Variants in FBXO8 observed in about 807,000 individuals in gnomAD.
FBXO8 encodes the protein F-box protein 8.
Under a neutral mutation model 33.4 loss-of-function variants are expected in FBXO8, and 15 were observed. The observed-to-expected ratio is 0.45, with a 90% CI of 0.30 to 0.69. The LOEUF is 0.69. Ranked by LOEUF, FBXO8 falls within the 30% of genes least tolerant of loss-of-function variation. The pLI, the probability that FBXO8 is intolerant of heterozygous loss-of-function variation, is 0.08. For synonymous variants in FBXO8, 132 were observed against 131.5 expected (o/e 1.00, Z -0.02); for missense variants, 274 against 380.3 (o/e 0.72, Z 2.32).
In FBXO8 at chr4:174,259,021, A is replaced by G. The variant is rs1736480235; in HGVS notation, c.456+678T>C. On this transcript the variant is annotated intron_variant, in intron 3 of 5. Coordinates refer to ENST00000393674, the MANE Select transcript of FBXO8 (RefSeq NM_012180.3). This position sits in a 1 kb window ranked among gnomAD's most constrained non-coding sequence, Gnocchi z 4.3. Reference sequence around the variant, plus strand: ...ATAATTTTCACTTAGATTTCTAAGAATAAATCTGTAAGTATTTAAACATTT... The same window carrying G: ...ATAATTTTCACTTAGATTTCTAAGAGTAAATCTGTAAGTATTTAAACATTT... 6.6e-6 allele frequency among the ~76,000 whole-genome samples: 1 copy of G among 152,040 alleles called. No homozygotes were observed. Among genetic ancestry groups the G allele is most frequent in the African/African-American group, 2.4e-5 (1 of 41,452 alleles).
At chr4:174,258,898 A>T (rs1260009556) in intron 3 of FBXO8, among the ~76,000 whole-genome samples, 1 of 152,054 alleles carries the variant, frequency 6.6e-6, no homozygotes, top group Non-Finnish European at 1.5e-5. Context: ...CAAATGAAAA[A>T]AAGTTGTTTT....
chr4:174,276,331 G>A (rs1051862200), intron 1 of FBXO8, among the ~76,000 whole-genome samples: 4 of 152,016 alleles, frequency 2.6e-5, no homozygotes, highest in African/African-American at 9.7e-5. Context: ...TCTGCCTCCT[G>A]GGTTCAAGCG....
Position 174,239,117 on chromosome 4 carries a change from A to G in FBXO8, c.649T>C (p.Phe217Leu). 1 of 1,606,284 alleles carries G rather than the reference A, an allele frequency of 6.2e-7. No individual in the cohort carries two copies. The highest frequency in any genetic ancestry group is 1.7e-5 in the Admixed American group (1 of 59,390). Residue 217 changes from phenylalanine (F) to leucine (L), a missense_variant, in exon 5 of 6, where the codon TTT becomes CTT. This residue lies in a region of FBXO8 where 186 missense variants were observed against 293.4 expected (regional missense o/e 0.63). Coordinates refer to ENST00000393674, the MANE Select transcript of FBXO8 (RefSeq NM_012180.3). Reference protein sequence around the residue: ...NQFLPNALREFFRHIHAPEER... With the variant: ...NQFLPNALRELFRHIHAPEER... ...TCAGGGGCATGGATATGACGAAAAA[A>G]TTCTCTCAGTGCATTTGGCAAGAAC...
chr4:174,243,771 T>G (rs1434838710), intron 3 of FBXO8, among the ~76,000 whole-genome samples: 1 of 151,228 alleles, frequency 6.6e-6, no homozygotes, highest in Non-Finnish European at 1.5e-5. Context: ...CATGGACATC[T>G]GTGCAGTGTC....
Position 174,259,742 on chromosome 4 carries a change from T to C in FBXO8, c.413A>G (p.Gln138Arg), listed in dbSNP as rs1250473804. ...LGFSFRKLYM[Q>R]LDEGSLTFNA... is the part of the protein sequence containing the mutation. ...AAAGGTGAGGCTGCCTTCATCCAGC[T>C]GCATATACAATTTTCTAAAAGAAAA... The change falls in exon 3 of 6, where the codon CAG becomes CGG. Residue 138 changes from glutamine (Q) to arginine (R), a missense_variant. Physicochemically the swap from Gln to Arg is conservative, Grantham distance 43. Around this residue, in one of 2 missense-constraint regions of FBXO8, gnomAD observed 186 missense variants for 293.4 expected, o/e 0.63. Coordinates refer to ENST00000393674, the MANE Select transcript of FBXO8 (RefSeq NM_012180.3). The surrounding 1 kb of genome is among the most constrained non-coding windows in gnomAD (Gnocchi z 4.3). 1 of 1,612,038 alleles carries C rather than the reference T, an allele frequency of 6.2e-7. No homozygotes were observed. The highest frequency in any genetic ancestry group is 2.2e-5 in the East Asian group (1 of 44,794).
chr4:174,271,941 C>T (rs1429132356), intron 1 of FBXO8, among the ~76,000 whole-genome samples: 1 of 152,138 alleles, frequency 6.6e-6, no homozygotes, highest in Non-Finnish European at 1.5e-5. Flanking sequence ...CTGCTATACA[C>T]TAATATGGTG....
At position 174,281,557 on chromosome 4, in the gene FBXO8, G is replaced by A. The variant is rs566198532; in HGVS notation, c.-9+1853C>T. ...AAAAGAAATAACCACACGTGATGGCGTGTGCCTGTGGTCCCAGGTACTCTG... is the reference window on the plus strand; with the variant it reads ...AAAAGAAATAACCACACGTGATGGCATGTGCCTGTGGTCCCAGGTACTCTG... On this transcript the variant is annotated intron_variant, in intron 1 of 5. Transcript: ENST00000393674. This position sits in a 1 kb window ranked among gnomAD's most constrained non-coding sequence, Gnocchi z 4.6. 2.0e-5 allele frequency among the ~76,000 whole-genome samples: 3 copies of A among 152,218 alleles called. No individual in the cohort carries two copies. Among genetic ancestry groups the A allele is most frequent in the East Asian group, 1.9e-4 (1 of 5,170 alleles).
In FBXO8 at chr4:174,281,040, T is replaced by A. The variant is rs1737075349; in HGVS notation, c.-9+2370A>T. ...GATGGTAAATTTTATGTTACGTATA[T>A]TTTACTACAATTTAAAAATTGGAAG... On this transcript the variant is annotated intron_variant, in intron 1 of 5. Transcript: ENST00000393674. The surrounding 1 kb of genome is among the most constrained non-coding windows in gnomAD (Gnocchi z 4.6). 2.0e-5 allele frequency among the ~76,000 whole-genome samples: 3 copies of A among 152,282 alleles called. No individual in the cohort carries two copies. Among genetic ancestry groups the A allele is most frequent in the Middle Eastern group, 3.4e-3 (1 of 292 alleles).
rs1024111347 is a variant in FBXO8, at chr4:174,261,833, T to A, written c.329+931A>T. Among the ~76,000 whole-genome samples, 1 of 152,102 alleles carries A rather than the reference T, an allele frequency of 6.6e-6. No individual in the cohort carries two copies. The highest frequency in any genetic ancestry group is 2.4e-5 in the African/African-American group (1 of 41,464). Reference sequence around the variant, plus strand: ...TTATTAAGTCTCTCAATTAGATTTCTAGTTTGAAATTATAGGAAGTCTTAA... The same window carrying A: ...TTATTAAGTCTCTCAATTAGATTTCAAGTTTGAAATTATAGGAAGTCTTAA... On this transcript the variant is annotated intron_variant, in intron 2 of 5. Transcript: ENST00000393674. The surrounding 1 kb of genome is among the most constrained non-coding windows in gnomAD (Gnocchi z 4.1).
In FBXO8 at chr4:174,259,750, C is replaced by T. The variant is rs1736505901; in HGVS notation, c.405G>A (p.Leu135=). 1 of 1,612,002 alleles carries T rather than the reference C, an allele frequency of 6.2e-7. No homozygotes were observed. The highest frequency in any genetic ancestry group is 1.3e-5 in the African/African-American group (1 of 74,788). ...GGCTGCCTTCATCCAGCTGCATATACAATTTTCTAAAAGAAAATCCTAAAG... is the reference window on the plus strand; with the variant it reads ...GGCTGCCTTCATCCAGCTGCATATATAATTTTCTAAAAGAAAATCCTAAAG... ...NPPLGFSFRK[L]YMQLDEGSLT... The change falls in exon 3 of 6, where the codon TTG becomes TTA. Residue 135 remains leucine (L), a synonymous_variant. Transcript: ENST00000393674. This position sits in a 1 kb window ranked among gnomAD's most constrained non-coding sequence, Gnocchi z 4.3.
At chr4:174,242,550 T>C (rs1736063727) in intron 3 of FBXO8, among the ~76,000 whole-genome samples, 1 of 151,550 alleles carries the variant, frequency 6.6e-6, no homozygotes, top group East Asian at 1.9e-4. Context: ...GCTAAGGCAC[T>C]GATTTTAAAA....
chr4:174,259,599 C>A lies in FBXO8; in HGVS notation c.456+100G>T. 1 of 1,430,658 alleles carries A rather than the reference C, an allele frequency of 7.0e-7. No homozygotes were observed. Among genetic ancestry groups the A allele is most frequent in the African/African-American group, 1.5e-5 (1 of 68,506 alleles). The allele number at this position is 1,430,658 out of a possible 1,614,324, so 88.6% of individuals were successfully genotyped here. On this transcript the variant is annotated intron_variant, in intron 3 of 5. Transcript: ENST00000393674. This position sits in a 1 kb window ranked among gnomAD's most constrained non-coding sequence, Gnocchi z 4.3. ...TTCTCAGTGATCAAAAAAGCATGTTCAATGACTTTTTGTTTTCCCTGCTAG... is the reference window on the plus strand; with the variant it reads ...TTCTCAGTGATCAAAAAAGCATGTTAAATGACTTTTTGTTTTCCCTGCTAG...
chr4:174,281,926 C>T lies in FBXO8; in HGVS notation c.-9+1484G>A, dbSNP rs1488910700. ...AGAAACAGAAATTAAATGCATAATT[C>T]TTAGACTTTAGTATTAATGATTTTG... On this transcript the variant is annotated intron_variant, in intron 1 of 5. Coordinates refer to ENST00000393674, the MANE Select transcript of FBXO8 (RefSeq NM_012180.3). This position sits in a 1 kb window ranked among gnomAD's most constrained non-coding sequence, Gnocchi z 4.6. 6.6e-6 allele frequency among the ~76,000 whole-genome samples: 1 copy of T among 152,044 alleles called. No homozygotes were observed.
intron 1 of FBXO8, among the ~76,000 whole-genome samples, chr4:174,264,600 C>T (rs868699757): frequency 2.6e-5 from 4 of 151,970 alleles, no homozygotes; most frequent in Admixed American, 6.6e-5. Context: ...TATTGCACTG[C>T]TTGGAATCCC....
Position 174,252,365 on chromosome 4 carries a change from T to G in FBXO8, c.456+7334A>C, listed in dbSNP as rs546798175. On this transcript the variant is annotated intron_variant, in intron 3 of 5. Transcript: ENST00000393674. The surrounding 1 kb of genome is among the most constrained non-coding windows in gnomAD (Gnocchi z 5.1). Reference sequence around the variant, plus strand: ...ATAATAGCAATAATACATCAAGATGTTTTTGGTTATAAACAACAGGAGACC... The same window carrying G: ...ATAATAGCAATAATACATCAAGATGGTTTTGGTTATAAACAACAGGAGACC... Among the ~76,000 whole-genome samples the G allele has an allele frequency of 1.3e-5, 2 of 152,190 alleles. No individual in the cohort carries two copies. Among genetic ancestry groups the G allele is most frequent in the South Asian group, 2.1e-4 (1 of 4,820 alleles).
At chr4:174,249,823 T>C (rs559688692) in intron 3 of FBXO8, among the ~76,000 whole-genome samples, 6 of 152,118 alleles carry the variant, frequency 3.9e-5, no homozygotes, top group East Asian at 3.9e-4. Flanking sequence ...TGTTACTGTA[T>C]ATGCAAAAGA....
At chr4:174,276,652 G>A (rs1736967986) in intron 1 of FBXO8, among the ~76,000 whole-genome samples, 1 of 151,954 alleles carries the variant, frequency 6.6e-6, no homozygotes, top group African/African-American at 2.4e-5. Flanking sequence ...GTAGATCTTT[G>A]GTTTTTAAAA....
rs1560864073 is a variant in FBXO8 at position 174,239,047 on chromosome 4, T to C, written c.719A>G (p.His240Arg). 5.6e-6 allele frequency: 9 copies of C among 1,605,828 alleles called. No individual in the cohort carries two copies. The highest frequency in any genetic ancestry group is 1.1e-5 in the South Asian group (1 of 89,820). Residue 240 changes from histidine to arginine, a missense_variant, in exon 5 of 6, where the codon CAT becomes CGT. Around this residue, in one of 2 missense-constraint regions of FBXO8, gnomAD observed 186 missense variants for 293.4 expected, o/e 0.63. Transcript: ENST00000393674. The stretch of plus-strand genomic sequence containing the variant: ...ATCAGGGTTGCAAGCACAGAATCTA[T>C]GTGAGAACTTTGTTATAAGAGTTTC... ...YLETLITKFS[H>R]RFCACNPDLM...
At chr4:174,248,618 G>T (rs982414919) in intron 3 of FBXO8, among the ~76,000 whole-genome samples, 1 of 152,066 alleles carries the variant, frequency 6.6e-6, no homozygotes, top group African/African-American at 2.4e-5. Flanking sequence ...CCAGTATCCT[G>T]TAGCCAGTTT....
Sources: allele counts gnomAD v4.1 joint callset (sites outside exome capture counted in the v4.1 genomes callset), GRCh38; gene constraint gnomAD v4.1.1; regional missense constraint gnomAD v4.1.1; non-coding constraint Gnocchi (gnomAD v3.1); transcripts MANE v1.5; gene names NCBI Gene and HGNC (gene_info 2026-07-23, HGNC 2026-07-21).